The following ACADSB variants were observed in gnomAD, a reference collection of about 807,000 sequenced individuals.
ACADSB encodes acyl-CoA dehydrogenase short/branched chain.
A neutral mutation model predicts 54.1 loss-of-function variants in ACADSB; 40 were observed. That is an observed-to-expected ratio of 0.74 (90% confidence interval 0.57 to 0.96). The LOEUF (loss-of-function observed/expected upper bound fraction) is 0.96. ACADSB is among the 40% of genes least tolerant of loss of function. The pLI, the probability that ACADSB is intolerant of heterozygous loss-of-function variation, is 0.00. For synonymous variants in ACADSB, 182 were observed against 182.8 expected, an observed-to-expected ratio of 1.00 and a Z score of 0.03; for missense variants, 530 against 510.4, an observed-to-expected ratio of 1.04 and a Z score of -0.37.
At chr10:123,041,408 T>A (rs1850471664) in intron 5 of ACADSB, 29 bp downstream of exon 5, 1 of 1,609,132 alleles carries the variant, frequency 6.2e-7, no homozygotes, top group Non-Finnish European at 8.5e-7. Flanking sequence ...TTTCTTTCTT[T>A]TTCCAAACCC....
At chr10:123,042,162 C>T (rs965139268) in intron 5 of ACADSB, among the ~76,000 whole-genome samples, 19 of 152,076 alleles carry the variant, frequency 1.2e-4, no homozygotes, top group African/African-American at 3.9e-4. Context: ...GACAGAGTTT[C>T]GCCATGTTGG....
intron 1 of ACADSB, among the ~76,000 whole-genome samples, chr10:123,009,513 C>G (rs1390980779): frequency 6.6e-6 from 1 of 152,210 alleles, no homozygotes; most frequent in Non-Finnish European, 1.5e-5. Context: ...TAGGCCCAGT[C>G]TCATTCTGAG....
intron 1 of ACADSB, among the ~76,000 whole-genome samples, chr10:123,030,314 C>G (rs532736486): frequency 6.6e-6 from 1 of 152,120 alleles, no homozygotes; most frequent in South Asian, 2.1e-4. Flanking sequence ...TCACTTGAGG[C>G]CAGGAGTTCA....
chr10:123,023,681 C>T (rs1347534835), intron 1 of ACADSB, among the ~76,000 whole-genome samples: 1 of 152,166 alleles, frequency 6.6e-6, no homozygotes. Context: ...CCAAAGAACA[C>T]TGGGGCCAAA....
At chr10:123,015,478 C>G (rs1023466788) in intron 1 of ACADSB, among the ~76,000 whole-genome samples, 2 of 152,196 alleles carry the variant, frequency 1.3e-5, no homozygotes, top group Non-Finnish European at 2.9e-5. Context: ...TCCCTGGCCT[C>G]TACTCATAAG....
chr10:123,033,828 T>G (rs1017728439), intron 1 of ACADSB, among the ~76,000 whole-genome samples: 3 of 152,186 alleles, frequency 2.0e-5, no homozygotes, highest in Admixed American at 6.5e-5. Context: ...TTAATTTTTA[T>G]GCTGCCTGTA....
At chr10:123,032,990 A>C (rs1289762968) in intron 1 of ACADSB, among the ~76,000 whole-genome samples, 1 of 151,838 alleles carries the variant, frequency 6.6e-6, no homozygotes, top group Non-Finnish European at 1.5e-5. Context: ...CCCCTTCTTG[A>C]GCCCCTTTGC....
intron 1 of ACADSB, among the ~76,000 whole-genome samples, chr10:123,030,006 T>G (rs1393107120): frequency 6.6e-6 from 1 of 152,168 alleles, no homozygotes; most frequent in East Asian, 1.9e-4. Context: ...TGATGCTGTG[T>G]GAAACCTCTT....
chr10:123,039,345 A>G (rs575208557), intron 3 of ACADSB, among the ~76,000 whole-genome samples: 1 of 152,276 alleles, frequency 6.6e-6, no homozygotes, highest in East Asian at 1.9e-4. Context: ...ACTGCAGCAT[A>G]GTGTGACTCC....
chr10:123,012,835 C>T (rs552231739), intron 1 of ACADSB, among the ~76,000 whole-genome samples: 25 of 152,246 alleles, frequency 1.6e-4, no homozygotes, highest in Admixed American at 2.6e-4. Context: ...GAAGGGGACC[C>T]GATTGGATTG....
intron 2 of ACADSB, among the ~76,000 whole-genome samples, chr10:123,036,464 A>G (rs1850400139): frequency 1.3e-5 from 2 of 152,230 alleles, no homozygotes; most frequent in African/African-American, 4.8e-5. Flanking sequence ...CTAAGGAAAA[A>G]CAAGAGTGAG....
rs371203485 is a variant in ACADSB, at chr10:123,014,061, A to G, written c.42+4990A>G. Among the ~76,000 whole-genome samples the G allele has an allele frequency of 2.0e-5, 3 of 151,956 alleles. No individual in the cohort carries two copies. The East Asian group carries it at 5.9e-4, about 30-fold the overall frequency. ...GGGCTGCCAGCATGCTGTCACCTCTAAATAGGGGAACTGGCCTCGTAAATT... is the reference window on the plus strand; with the variant it reads ...GGGCTGCCAGCATGCTGTCACCTCTGAATAGGGGAACTGGCCTCGTAAATT... On this transcript the variant is annotated intron_variant, in intron 1 of 10. Transcript: ENST00000358776.
At position 123,052,861 on chromosome 10, in the gene ACADSB, G is replaced by C; in HGVS notation, c.1129-200G>C. 1.6e-6 allele frequency: 1 copy of C among 616,516 alleles called. No homozygotes were observed. 38.2% of individuals were successfully genotyped at this position (616,516 alleles called of 1,614,324 possible). ...AATGCTCTAATTTCTTAAGAAAATG[G>C]GGATTCTGTGAATTAATAGGATGTT... is the stretch of plus-strand genomic sequence containing the variant. On this transcript the variant is annotated intron_variant, in intron 9 of 10. Transcript: ENST00000358776. This position sits in a 1 kb window ranked among gnomAD's most constrained non-coding sequence, Gnocchi z 4.2.
At chr10:123,039,596 T>C (rs998804916) in intron 3 of ACADSB, among the ~76,000 whole-genome samples, 9 of 152,190 alleles carry the variant, frequency 5.9e-5, no homozygotes, top group Non-Finnish European at 1.3e-4. Context: ...CCTGAACTTA[T>C]GAAGTGGCGT....
At chr10:123,040,233 C>T (rs1850452371) in intron 3 of ACADSB, among the ~76,000 whole-genome samples, 1 of 151,644 alleles carries the variant, frequency 6.6e-6, no homozygotes, top group African/African-American at 2.4e-5. Flanking sequence ...CACCTGTAAT[C>T]CCAGTGACTT....
intron 6 of ACADSB, 133 bp downstream of exon 6, chr10:123,043,304 C>T: frequency 9.0e-7 from 1 of 1,108,514 alleles, no homozygotes; most frequent in Admixed American, 1.9e-5. Context: ...TTGTAAAACC[C>T]TGAACAGCGC....
chr10:123,037,705 G>A (rs1850417636), intron 2 of ACADSB, 42 bp from the exon 3 acceptor site: 2 of 1,386,532 alleles, frequency 1.4e-6, no homozygotes, highest in South Asian at 1.2e-5. Context: ...TAATGTGACT[G>A]TCACTTTAAC....
At chr10:123,046,802 G>C (rs1204525095) in intron 7 of ACADSB, among the ~76,000 whole-genome samples, 2 of 152,176 alleles carry the variant, frequency 1.3e-5, no homozygotes, top group African/African-American at 4.8e-5. Context: ...TTTACTTCTA[G>C]AAGAACTGGA....
chr10:123,048,734 A>T (rs1016372215), intron 8 of ACADSB, among the ~76,000 whole-genome samples: 8 of 151,054 alleles, frequency 5.3e-5, no homozygotes, highest in East Asian at 1.9e-4. Flanking sequence ...ATTTATTTTT[A>T]TTTATTTATT....
Sources: allele counts gnomAD v4.1 joint callset (sites outside exome capture counted in the v4.1 genomes callset), GRCh38; gene constraint gnomAD v4.1.1; non-coding constraint Gnocchi (gnomAD v3.1); transcripts MANE v1.5; gene names NCBI Gene and HGNC (gene_info 2026-07-23, HGNC 2026-07-21).